The following PLCH2 variants were observed in gnomAD, a reference collection of about 807,000 sequenced individuals.
PLCH2 encodes the protein 1-phosphatidylinositol 4,5-bisphosphate phosphodiesterase eta-2.
PLCH2 carries 98 observed loss-of-function variants against 134.7 expected under a neutral mutation model. The observed-to-expected ratio is 0.73, with a 90% CI of 0.62 to 0.86. PLCH2 has a LOEUF of 0.86. Ranked by LOEUF, PLCH2 falls within the 40% of genes least tolerant of loss-of-function variation. The pLI is 0.00. For synonymous variants in PLCH2, 974 were observed against 827.5 expected (o/e 1.18, Z -3.04); for missense variants, 1,994 against 1,986.6 (o/e 1.00, Z -0.07).
chr1:2,490,403 G>A (rs749998587), intron 10 of PLCH2, among the ~76,000 whole-genome samples: 3 of 152,150 alleles, frequency 2.0e-5, no homozygotes, highest in Admixed American at 6.5e-5. Context: ...TCCACAGAGC[G>A]CTGTCACTGT....
At chr1:2,453,259 C>T (rs1161087357) in intron 2 of PLCH2, among the ~76,000 whole-genome samples, 5 of 152,228 alleles carry the variant, frequency 3.3e-5, no homozygotes, top group African/African-American at 9.7e-5. Flanking sequence ...CTGTGGGCGC[C>T]GTGCTCCCTG....
intron 1 of PLCH2, 130 bp downstream of exon 1, chr1:2,476,842 C>A: frequency 1.0e-6 from 1 of 980,230 alleles, no homozygotes. Context: ...TCCCCTGTCC[C>A]CCGGGTGCTC....
chr1:2,437,963 C>CT (rs1639511776), intron 2 of PLCH2, among the ~76,000 whole-genome samples: 1 of 152,262 alleles, frequency 6.6e-6, no homozygotes, highest in African/African-American at 2.4e-5. Context: ...TGGCCCTTGC[C>CT]TGCCTCTGCC....
intron 2 of PLCH2, among the ~76,000 whole-genome samples, chr1:2,461,501 A>G (rs1640799332): frequency 6.6e-6 from 1 of 152,086 alleles, no homozygotes; most frequent in Admixed American, 6.5e-5. Context: ...TCCTGCTGAG[A>G]TGATTCAGGG....
chr1:2,417,887 A>G, the PLCH2 span, among the ~76,000 whole-genome samples: 1 of 152,146 alleles, frequency 6.6e-6, no homozygotes, highest in Non-Finnish European at 1.5e-5. Context: ...CAAGTGGGGG[A>G]ATAGAGGCCC....
intron 2 of PLCH2, among the ~76,000 whole-genome samples, chr1:2,450,333 G>C (rs1005466899): frequency 2.0e-5 from 3 of 151,878 alleles, no homozygotes; most frequent in African/African-American, 7.3e-5. Flanking sequence ...TGGGTGCCTC[G>C]TTAGCTCACC....
chr1:2,492,990 A>AC (rs1642678904), intron 11 of PLCH2: 1 of 151,998 alleles, frequency 6.6e-6, no homozygotes, highest in African/African-American at 2.4e-5. Context: ...CCCCGTGAGG[A>AC]CCCTTCCCTG....
rs1642925017 is a variant in PLCH2, at chr1:2,496,904, C to T, written c.2010C>T (p.Tyr670=). The change falls in exon 15 of 22, where the codon TAC becomes TAT. Residue 670 remains tyrosine, a synonymous_variant. Transcript: ENST00000378486. Reference sequence around the variant, plus strand: ...TTCTGCAGCAGAAGCCGGCGCAGTACCTACGCTTCAACCAGCAGCAGCTCT... The same window carrying T: ...TTCTGCAGCAGAAGCCGGCGCAGTATCTACGCTTCAACCAGCAGCAGCTCT... The part of the protein sequence containing the change: ...HQILQQKPAQ[Y]LRFNQQQLSR... The T allele has an allele frequency of 6.2e-7, 1 of 1,613,150 alleles. No individual in the cohort carries two copies. Among genetic ancestry groups the T allele is most frequent in the South Asian group, 1.1e-5 (1 of 91,086 alleles).
At chr1:2,476,792 G>A (rs1007273852) in intron 1 of PLCH2, 80 bp downstream of exon 1, 31 of 1,426,010 alleles carry the variant, frequency 2.2e-5, no homozygotes, top group Middle Eastern at 2.5e-4. Context: ...GTTCCTGGAG[G>A]TGGGGGAAGC....
In PLCH2 at chr1:2,459,619, T is replaced by G. The variant is rs61763916; in HGVS notation, c.116-18857T>G. Among the ~76,000 whole-genome samples the G allele has an allele frequency of 3.3e-3, 271 of 82,642 alleles. 27 individuals carry two copies. The highest frequency in any genetic ancestry group is 5.4e-3 in the Middle Eastern group (1 of 184). 54.2% of individuals were successfully genotyped at this position (82,642 alleles called of 152,430 possible). A position where few individuals can be genotyped will look rare whatever the true frequency, so the allele number is the denominator to read the frequency against. On this transcript the variant is annotated intron_variant, in intron 2 of 3. Coordinates refer to the PLCH2 transcript ENST00000609981. ...TTCCTTTCCGGTGGTCCTCCTTGCCTGTGGTCCTCCTTGCCTGTGGTCTTC... is the reference window on the plus strand; with the variant it reads ...TTCCTTTCCGGTGGTCCTCCTTGCCGGTGGTCCTCCTTGCCTGTGGTCTTC...
intron 5 of PLCH2, among the ~76,000 whole-genome samples, chr1:2,486,580 G>A (rs117011848): frequency 6.6e-6 from 1 of 152,246 alleles, no homozygotes; most frequent in Non-Finnish European, 1.5e-5. Flanking sequence ...GGGGCATGAA[G>A]ATTCTTGCTC....
intron 2 of PLCH2, among the ~76,000 whole-genome samples, chr1:2,434,556 C>T (rs943783867): frequency 1.3e-5 from 2 of 152,266 alleles, no homozygotes; most frequent in African/African-American, 2.4e-5. Context: ...TCACTGGCCT[C>T]GGGGGCCCTG....
chr1:2,443,714 G>T (rs1392226266), intron 2 of PLCH2, among the ~76,000 whole-genome samples: 2 of 148,126 alleles, frequency 1.4e-5, no homozygotes, highest in Non-Finnish European at 3.0e-5. Flanking sequence ...GGGCGGGCAG[G>T]GGGTGTGGTG....
intron 7 of PLCH2, 42 bp from the exon 8 acceptor site, chr1:2,487,556 T>C: frequency 8.2e-6 from 13 of 1,590,628 alleles, no homozygotes; most frequent in Non-Finnish European, 1.1e-5. Context: ...GGGCTCACTG[T>C]GGCTAGGCCC....
intron 8 of PLCH2, among the ~76,000 whole-genome samples, chr1:2,488,728 G>A (rs1378589982): frequency 6.6e-6 from 1 of 152,234 alleles, no homozygotes; most frequent in Non-Finnish European, 1.5e-5. Context: ...CAGATGGTGT[G>A]TGCCAGGCTT....
In PLCH2 at chr1:2,504,224, C is replaced by T; in HGVS notation, c.3262C>T (p.Leu1088=). The T allele has an allele frequency of 6.4e-7, 1 of 1,567,932 alleles. No individual in the cohort carries two copies. The highest frequency in any genetic ancestry group is 2.4e-5 in the East Asian group (1 of 42,080). Residue 1088 remains leucine (L), a synonymous_variant, in exon 22 of 22, where the codon CTG becomes TTG. Transcript: ENST00000378486. ...GAGCCAGCCCCGGACCCTGGGCCACCTGCCCGTGATTAGAAGGGTGAAGAG... is the reference window on the plus strand; with the variant it reads ...GAGCCAGCCCCGGACCCTGGGCCACTTGCCCGTGATTAGAAGGGTGAAGAG... ...GRSQPRTLGH[L]PVIRRVKSEG...
intron 2 of PLCH2, among the ~76,000 whole-genome samples, chr1:2,447,928 A>G (rs574381244): frequency 6.6e-6 from 1 of 152,134 alleles, no homozygotes; most frequent in Non-Finnish European, 1.5e-5. Flanking sequence ...TTGGCAGGGC[A>G]CTCGGCCCCT....
chr1:2,471,198 G>A (rs74726941), intron 1 of PLCH2, among the ~76,000 whole-genome samples: 3,162 of 152,322 alleles, frequency 0.021, 118 homozygotes, highest in African/African-American at 0.072. Context: ...GGCAGGAAGG[G>A]GAGCCCACTC....
intron 1 of PLCH2, among the ~76,000 whole-genome samples, chr1:2,426,518 G>A (rs184712799): frequency 2.0e-5 from 3 of 152,232 alleles, no homozygotes; most frequent in Non-Finnish European, 4.4e-5. Context: ...GAGTGGCGGA[G>A]TCCCCGGCCT....
Sources: gnomAD v4.1 joint callset for allele counts (sites outside exome capture counted in the v4.1 genomes callset) on GRCh38, gnomAD v4.1.1 for gene constraint, MANE v1.5 for transcripts, NCBI Gene and HGNC (gene_info 2026-07-23, HGNC 2026-07-21) for gene names.